The following PAX6 variants were observed in gnomAD, a reference collection of about 807,000 sequenced individuals.
PAX6 encodes paired box 6, also known as paired box protein Pax-6.
A neutral mutation model predicts 60.7 loss-of-function variants in PAX6; 7 were observed. The observed-to-expected ratio is 0.12, with a 90% confidence interval of 0.07 to 0.22. The LOEUF is 0.22. PAX6 is among the 10% of genes least tolerant of loss of function. The pLI, the probability that PAX6 is intolerant of heterozygous loss-of-function variation, is 1.00. For missense variants in PAX6, 355 were observed against 555.2 expected (o/e 0.64, Z 3.62); for synonymous variants, 208 against 201.2 (o/e 1.03, Z -0.29).
intron 5 of PAX6, 83 bp from the exon 6 acceptor site, chr11:31,801,995 A>C (rs1324417205): frequency 1.6e-5 from 17 of 1,078,494 alleles, no homozygotes; most frequent in Non-Finnish European, 2.3e-5. Flanking sequence ...TGTAGCCCTA[A>C]AAACTACAAA....
At position 31,801,537 on chromosome 11, in the gene PAX6, G is replaced by C. The variant is rs537870766; in HGVS notation, c.399+24C>G. 1.1e-5 allele frequency: 17 copies of C among 1,613,970 alleles called. No homozygotes were observed. In the South Asian group the frequency reaches 1.6e-4, roughly 16 times the overall value. On this transcript the variant is annotated intron_variant, in intron 7 of 13. Coordinates refer to ENST00000640368, the MANE Select transcript of PAX6 (RefSeq NM_001368894.2). Reference sequence around the variant, plus strand: ...AGAGCATTGGGCTTAGGGCAGGGAGGGCAGATGTTCTCAATGAACTTACGC... The same window carrying C: ...AGAGCATTGGGCTTAGGGCAGGGAGCGCAGATGTTCTCAATGAACTTACGC...
At chr11:31,806,682 A>G (rs983232644) in intron 3 of PAX6, 167 bp downstream of exon 3, 1 of 527,572 alleles carries the variant, frequency 1.9e-6, no homozygotes, top group South Asian at 3.0e-5. Context: ...AATATCCCCA[A>G]TCTGTTTCCC....
intron 4 of PAX6, chr11:31,806,125 T>C: frequency 4.2e-6 from 2 of 472,672 alleles, no homozygotes; most frequent in Non-Finnish European, 7.3e-6. Flanking sequence ...GTTACAGGAT[T>C]TGGGGGGGAT....
chr11:31,798,734 T>TG, intron 8 of PAX6, among the ~76,000 whole-genome samples: 1 of 152,334 alleles, frequency 6.6e-6, no homozygotes, highest in Non-Finnish European at 1.5e-5. Context: ...GAAAAGCCCC[T>TG]GGACTAGCTC....
intron 2 of PAX6, chr11:31,810,484 T>G: frequency 2.3e-5 from 4 of 174,972 alleles, no homozygotes; most frequent in Non-Finnish European, 3.6e-5. Context: ...GTCGGGAGCA[T>G]TGGGCGACGC....
chr11:31,801,409 T>A, intron 7 of PAX6, 152 bp downstream of exon 7: 1 of 1,531,184 alleles, frequency 6.5e-7, no homozygotes, highest in Non-Finnish European at 8.8e-7. Flanking sequence ...AGTCAGGGCA[T>A]TCCTCTCTGT....
intron 12 of PAX6, 40 bp from the exon 13 acceptor site, chr11:31,790,900 C>T (rs1350062793): frequency 2.7e-5 from 43 of 1,606,158 alleles, no homozygotes; most frequent in Non-Finnish European, 3.5e-5. Context: ...CTGAGGAACA[C>T]ATCACACAGC....
intron 12 of PAX6, chr11:31,791,148 G>A: frequency 2.1e-6 from 1 of 485,914 alleles, no homozygotes; most frequent in Admixed American, 3.1e-5. Context: ...TAGGATTTTT[G>A]TCTCTAACCT....
intron 10 of PAX6, 55 bp from the exon 11 acceptor site, chr11:31,793,857 C>T (rs1225999131): frequency 5.0e-6 from 8 of 1,603,206 alleles, no homozygotes; most frequent in Non-Finnish European, 6.8e-6. Context: ...CCAGCCCCAC[C>T]TTGGCACCTC....
intron 4 of PAX6, chr11:31,804,907 A>G (rs1399082466): frequency 6.6e-6 from 1 of 152,466 alleles, no homozygotes; most frequent in Non-Finnish European, 1.5e-5. Flanking sequence ...CCAGGGCCAG[A>G]GCGCCACTCC....
intron 7 of PAX6, 70 bp from the exon 8 acceptor site, chr11:31,800,926 C>A (rs1953611426): frequency 2.6e-6 from 4 of 1,516,834 alleles, no homozygotes; most frequent in South Asian, 1.1e-5. Context: ...TCTCAGCTCA[C>A]CCACAACCTT....
chr11:31,816,356 A>T (rs1957373670), intron 1 of PAX6: 5 of 565,064 alleles, frequency 8.8e-6, no homozygotes. Context: ...CCCTCCGATC[A>T]CGAAGGGCAC....
intron 8 of PAX6, among the ~76,000 whole-genome samples, chr11:31,797,907 G>C (rs994542461): frequency 3.3e-5 from 5 of 152,126 alleles, no homozygotes. Flanking sequence ...GTGAGAAAGC[G>C]AGTGAAAGCG....
At chr11:31,795,186 A>G (rs1474006640) in intron 8 of PAX6, among the ~76,000 whole-genome samples, 1 of 152,226 alleles carries the variant, frequency 6.6e-6, no homozygotes, top group African/African-American at 2.4e-5. Flanking sequence ...GTTGATCTAT[A>G]ATCAGTAATT....
chr11:31,802,526 G>A (rs1954340790), intron 5 of PAX6, 178 bp downstream of exon 5: 1 of 618,644 alleles, frequency 1.6e-6, no homozygotes, highest in Non-Finnish European at 2.8e-6. Flanking sequence ...GATAGGGAAG[G>A]ATGGTGGAAG....
chr11:31,800,544 G>A (rs1046963476), intron 8 of PAX6, 147 bp downstream of exon 8: 7 of 958,554 alleles, frequency 7.3e-6, no homozygotes, highest in Admixed American at 5.1e-5. Flanking sequence ...CATACAATGT[G>A]GTCGATGTGT....
At chr11:31,790,121 CTA>C (rs1949391813) in intron 13 of PAX6, 102 bp from the exon 14 acceptor site, 1 of 544,466 alleles carries the variant, frequency 1.8e-6, no homozygotes, top group Non-Finnish European at 3.1e-6. Flanking sequence ...AAAAAAAAAA[CTA>C]ATACTTTCTA....
chr11:31,794,457 C>CTGA, intron 9 of PAX6, 173 bp downstream of exon 9: 1 of 577,974 alleles, frequency 1.7e-6, no homozygotes, highest in Non-Finnish European at 3.0e-6. Flanking sequence ...CACACACACA[C>CTGA]ACACACACAC....
chr11:31,809,470 T>G (rs1047393293), intron 2 of PAX6: 1 of 152,210 alleles, frequency 6.6e-6, no homozygotes, highest in Admixed American at 6.5e-5. Flanking sequence ...TTTTAAACTT[T>G]CTAGAAATCG....
Sources: gnomAD v4.1 joint callset for allele counts (sites outside exome capture counted in the v4.1 genomes callset) on GRCh38, gnomAD v4.1.1 for gene constraint, MANE v1.5 for transcripts, NCBI Gene and HGNC (gene_info 2026-07-23, HGNC 2026-07-21) for gene names.